Variants in OSBPL9 observed in about 807,000 individuals in gnomAD.
OSBPL9 encodes the protein oxysterol binding protein like 9.
OSBPL9 carries 40 observed loss-of-function variants against 106.6 expected under a neutral mutation model. That is an observed-to-expected ratio of 0.38 (90% CI 0.29 to 0.49). The LOEUF (loss-of-function observed/expected upper bound fraction) is 0.49, where lower values mean the gene tolerates loss of function less well. OSBPL9 is among the 20% of genes least tolerant of loss of function. OSBPL9 has a pLI of 0.97. For synonymous variants in OSBPL9, 269 were observed against 295.4 expected (o/e 0.91, Z 0.92); for missense variants, 609 against 887.2 (o/e 0.69, Z 3.98).
intron 1 of OSBPL9, among the ~76,000 whole-genome samples, chr1:51,628,479 G>A: frequency 6.6e-6 from 1 of 151,744 alleles, no homozygotes; most frequent in Admixed American, 6.6e-5. Context: ...AATACGTTGG[G>A]AGGCTGAGGT....
the OSBPL9 span, among the ~76,000 whole-genome samples, chr1:51,563,045 C>T: frequency 6.6e-6 from 1 of 151,964 alleles, no homozygotes; most frequent in Non-Finnish European, 1.5e-5. Context: ...CGCGTCTCTA[C>T]TGCAAATACA....
intron 1 of OSBPL9, among the ~76,000 whole-genome samples, chr1:51,647,316 T>G (rs1191771080): frequency 6.6e-6 from 1 of 152,170 alleles, no homozygotes; most frequent in Non-Finnish European, 1.5e-5. Flanking sequence ...TCTTGCTGGA[T>G]TTTGTTCGCT....
At chr1:51,559,135 A>G in the OSBPL9 span, among the ~76,000 whole-genome samples, 2 of 152,006 alleles carry the variant, frequency 1.3e-5, no homozygotes, top group African/African-American at 2.4e-5. Context: ...AGGGATGGGG[A>G]GGGGATCTGG....
Position 51,761,920 on chromosome 1 carries a change from C to G in OSBPL9, c.727C>G (p.Pro243Ala). The G allele has an allele frequency of 6.2e-7, 1 of 1,613,778 alleles. No homozygotes were observed. The highest frequency in any genetic ancestry group is 8.5e-7 in the Non-Finnish European group (1 of 1,179,718). ...GCGTCCATCTTCCCTACCAGTTGGA[C>G]CTGTGTTGGCTACCTTGGGACATCA... ...EQRPSSLPVG[P>A]VLATLGHHQT... The change falls in exon 11 of 24, where the codon CCT (proline) becomes GCT (alanine). Residue 243 changes from proline to alanine, a missense_variant. Transcript: ENST00000428468.
At chr1:51,520,994 G>A in the OSBPL9 span, among the ~76,000 whole-genome samples, 2 of 152,108 alleles carry the variant, frequency 1.3e-5, no homozygotes, top group Admixed American at 6.5e-5. Flanking sequence ...TGTTTCTACC[G>A]GTGTTTTCTA....
intron 3 of OSBPL9, among the ~76,000 whole-genome samples, chr1:51,687,352 T>C (rs1654026900): frequency 6.6e-6 from 1 of 152,188 alleles, no homozygotes; most frequent in Non-Finnish European, 1.5e-5. Context: ...ACCCAAAAGA[T>C]AACTATAAGG....
chr1:51,743,244 T>C (rs1667305040), intron 4 of OSBPL9, among the ~76,000 whole-genome samples: 1 of 152,208 alleles, frequency 6.6e-6, no homozygotes. Context: ...AAAAATGGAT[T>C]GATGAGTAGA....
intron 9 of OSBPL9, chr1:51,759,981 G>C (rs1462072901): frequency 6.6e-6 from 1 of 152,054 alleles, no homozygotes; most frequent in Non-Finnish European, 1.5e-5. Flanking sequence ...GAAAAAAAAA[G>C]TACCTCTTTA....
chr1:51,759,184 AT>A (rs1256270465), intron 9 of OSBPL9, among the ~76,000 whole-genome samples: 5 of 151,402 alleles, frequency 3.3e-5, no homozygotes, highest in Admixed American at 3.3e-4. Context: ...CAGTTAAAGT[AT>A]TTGTGGCAGA....
chr1:51,778,581 AT>A (rs1675593523), intron 15 of OSBPL9, among the ~76,000 whole-genome samples: 1 of 152,264 alleles, frequency 6.6e-6, no homozygotes, highest in South Asian at 2.1e-4. Flanking sequence ...TCAAGAATAA[AT>A]AATACTCCTA....
At chr1:51,542,609 A>T in the OSBPL9 span, among the ~76,000 whole-genome samples, 1 of 152,330 alleles carries the variant, frequency 6.6e-6, no homozygotes, top group East Asian at 1.9e-4. Flanking sequence ...TTATGGAATA[A>T]TTACCATGTG....
chr1:51,621,110 C>T (rs551621091), intron 1 of OSBPL9, among the ~76,000 whole-genome samples: 55 of 152,370 alleles, frequency 3.6e-4, no homozygotes, highest in African/African-American at 1.3e-3. Flanking sequence ...CAAGTATCAA[C>T]ATATGGCCAG....
intron 2 of OSBPL9, among the ~76,000 whole-genome samples, chr1:51,600,251 G>A (rs191072818): frequency 2.0e-5 from 3 of 152,166 alleles, no homozygotes; most frequent in Non-Finnish European, 4.4e-5. Flanking sequence ...CTAGCACTAA[G>A]AGAGATATAA....
intron 4 of OSBPL9, among the ~76,000 whole-genome samples, chr1:51,714,650 G>A (rs1369533071): frequency 6.6e-6 from 1 of 152,198 alleles, no homozygotes; most frequent in African/African-American, 2.4e-5. Flanking sequence ...TTCATTTTCG[G>A]TTAGGTTCTC....
At chr1:51,522,009 G>A in the OSBPL9 span, among the ~76,000 whole-genome samples, 4 of 152,006 alleles carry the variant, frequency 2.6e-5, no homozygotes, top group Admixed American at 1.3e-4. Context: ...TGCCTGCCTC[G>A]GCTTCCCAAA....
At chr1:51,641,472 T>C (rs955420788) in intron 1 of OSBPL9, among the ~76,000 whole-genome samples, 1 of 152,226 alleles carries the variant, frequency 6.6e-6, no homozygotes, top group African/African-American at 2.4e-5. Flanking sequence ...AAGTAAGCCA[T>C]AGAAGGATAT....
the OSBPL9 span, among the ~76,000 whole-genome samples, chr1:51,560,364 G>A: frequency 6.6e-6 from 1 of 152,232 alleles, no homozygotes; most frequent in Non-Finnish European, 1.5e-5. Flanking sequence ...GTCGCTTGGT[G>A]TTTCTGAGTC....
the OSBPL9 span, among the ~76,000 whole-genome samples, chr1:51,521,165 A>G: frequency 6.6e-6 from 1 of 152,250 alleles, no homozygotes. Flanking sequence ...AATAGGACTC[A>G]GACATTAGGA....
At chr1:51,634,408 A>T (rs1383194783) in intron 1 of OSBPL9, among the ~76,000 whole-genome samples, 1 of 152,210 alleles carries the variant, frequency 6.6e-6, no homozygotes, top group Admixed American at 6.5e-5. Context: ...TTTGGGTGGT[A>T]TGTGAAAAAC....
Sources: allele counts gnomAD v4.1 joint callset (sites outside exome capture counted in the v4.1 genomes callset), GRCh38; gene constraint gnomAD v4.1.1; transcripts MANE v1.5; gene names NCBI Gene and HGNC (gene_info 2026-07-23, HGNC 2026-07-21).